The following PPA2 variants were observed in gnomAD, a reference collection of about 807,000 sequenced individuals.
The protein encoded by PPA2 is inorganic pyrophosphatase 2.
In PPA2, 48 loss-of-function variants were observed where a neutral mutation model predicts 49.5. That is an observed-to-expected ratio of 0.97 (90% CI 0.77 to 1.23). PPA2 has a LOEUF of 1.23. Ranked by LOEUF, PPA2 falls within the 50% of genes most tolerant of loss-of-function variation. The pLI, the probability that PPA2 is intolerant of heterozygous loss-of-function variation, is 0.00. For missense variants in PPA2, 429 were observed against 410.1 expected, an observed-to-expected ratio of 1.05 and a Z score of -0.40; for synonymous variants, 131 against 139.9, an observed-to-expected ratio of 0.94 and a Z score of 0.45.
chr4:105,370,732 CT>C, intron 11 of PPA2, 104 bp downstream of exon 11: 1 of 1,234,832 alleles, frequency 8.1e-7, no homozygotes, highest in Non-Finnish European at 1.0e-6. Flanking sequence ...GCTTATACAG[CT>C]TTTCAATTTA....
chr4:105,390,135 C>T (rs1042768079), intron 9 of PPA2, among the ~76,000 whole-genome samples: 4 of 152,162 alleles, frequency 2.6e-5, no homozygotes, highest in Non-Finnish European at 4.4e-5. Flanking sequence ...TGGACCCCTT[C>T]CCTACACCTT....
intron 5 of PPA2, among the ~76,000 whole-genome samples, chr4:105,439,147 T>A (rs776325296): frequency 1.3e-5 from 2 of 152,152 alleles, no homozygotes; most frequent in African/African-American, 2.4e-5. Flanking sequence ...CTAGCTAATA[T>A]ATACACACAC....
At chr4:105,453,704 T>C (rs1168614819) in intron 2 of PPA2, 62 bp from the exon 3 acceptor site, 13 of 1,282,410 alleles carry the variant, frequency 1.0e-5, no homozygotes, top group East Asian at 2.3e-5. Context: ...TGGCACTGCA[T>C]AGCAATAAAA....
rs1013136299 is a variant in PPA2, at chr4:105,424,338, A to G, written c.529-16T>C. 3 of 1,577,318 alleles carry G rather than the reference A, an allele frequency of 1.9e-6. No individual in the cohort carries two copies. The highest frequency in any genetic ancestry group is 2.6e-6 in the Non-Finnish European group (3 of 1,170,354). On this transcript the variant is annotated splice_polypyrimidine_tract_variant and intron_variant, in intron 6 of 11. Coordinates refer to ENST00000341695, the MANE Select transcript of PPA2 (RefSeq NM_176869.3). ...AAGAAAGAATCTTTAAAGAAAAAAG[A>G]AATTCACTATTTGCAAGGCTTTGGA...
At chr4:105,437,135 G>T (rs765634914) in intron 6 of PPA2, among the ~76,000 whole-genome samples, 2 of 151,948 alleles carry the variant, frequency 1.3e-5, no homozygotes, top group Admixed American at 1.3e-4. Context: ...CAAAGGCCAC[G>T]AACCAACATT....
intron 7 of PPA2, chr4:105,405,769 A>G (rs1385660150): frequency 4.3e-5 from 26 of 610,834 alleles, no homozygotes; most frequent in East Asian, 2.1e-4. Context: ...CAAAAACAAG[A>G]TAAGTAACTT....
At chr4:105,382,721 G>A (rs918451171) in intron 10 of PPA2, among the ~76,000 whole-genome samples, 2 of 152,058 alleles carry the variant, frequency 1.3e-5, no homozygotes, top group Non-Finnish European at 2.9e-5. Context: ...AATGTAGGCT[G>A]GGTGCGATGG....
At chr4:105,470,109 C>A (rs1156823579) in intron 1 of PPA2, among the ~76,000 whole-genome samples, 1 of 152,148 alleles carries the variant, frequency 6.6e-6, no homozygotes, top group East Asian at 1.9e-4. Flanking sequence ...TAACAAAATT[C>A]CTAATTATGG....
At chr4:105,461,968 T>C (rs563717150) in intron 1 of PPA2, among the ~76,000 whole-genome samples, 1 of 152,306 alleles carries the variant, frequency 6.6e-6, no homozygotes, top group African/African-American at 2.4e-5. Context: ...TAAGAACTCA[T>C]TAAAAGTTTT....
intron 10 of PPA2, among the ~76,000 whole-genome samples, chr4:105,385,382 C>T (rs1362276918): frequency 1.3e-5 from 2 of 150,676 alleles, no homozygotes; most frequent in Admixed American, 1.3e-4. Flanking sequence ...TACCACATAA[C>T]ATAATTAGAT....
chr4:105,454,115 T>C (rs1722778948), intron 2 of PPA2, among the ~76,000 whole-genome samples: 1 of 152,142 alleles, frequency 6.6e-6, no homozygotes, highest in Admixed American at 6.5e-5. Flanking sequence ...CTTTTCCCAT[T>C]AAACCAAGCA....
intron 1 of PPA2, among the ~76,000 whole-genome samples, chr4:105,468,131 T>C (rs191745373): frequency 5.3e-5 from 8 of 152,358 alleles, no homozygotes; most frequent in African/African-American, 1.2e-4. Flanking sequence ...GTCATACTTT[T>C]ACTGTCCATG....
intron 9 of PPA2, among the ~76,000 whole-genome samples, chr4:105,390,501 T>C (rs573846651): frequency 2.0e-5 from 3 of 150,966 alleles, no homozygotes; most frequent in South Asian, 4.2e-4. Context: ...GCAAAGGATA[T>C]GAGCAGACAT....
chr4:105,442,320 C>A (rs1724408527), intron 5 of PPA2, among the ~76,000 whole-genome samples: 1 of 152,090 alleles, frequency 6.6e-6, no homozygotes, highest in African/African-American at 2.4e-5. Context: ...CTCACAATAA[C>A]CTTGTAGGGT....
rs538636667 is a variant in PPA2, at chr4:105,471,805, C to T, written c.157+2089G>A. 2.0e-5 allele frequency among the ~76,000 whole-genome samples: 3 copies of T among 152,324 alleles called. No individual in the cohort carries two copies. The East Asian group carries it at 5.8e-4, about 29-fold the overall frequency. On this transcript the variant is annotated intron_variant, in intron 1 of 11. Coordinates refer to ENST00000341695, the MANE Select transcript of PPA2 (RefSeq NM_176869.3). ...TTCAGAAATTGTTTAACCAACACAC[C>T]TTCCAATCAGGATCTTACCATCGGG...
chr4:105,413,480 GA>G (rs2110254368), intron 7 of PPA2, among the ~76,000 whole-genome samples: 1 of 152,146 alleles, frequency 6.6e-6, no homozygotes, highest in Non-Finnish European at 1.5e-5. Context: ...AGAAAAAAAA[GA>G]ATAAAGGCAT....
At chr4:105,440,540 C>T (rs1430369901) in intron 5 of PPA2, among the ~76,000 whole-genome samples, 3 of 152,126 alleles carry the variant, frequency 2.0e-5, no homozygotes, top group Admixed American at 2.0e-4. Context: ...GGATTACAAG[C>T]GTGAGCCACT....
chr4:105,460,379 GTAAA>G (rs140617454), intron 1 of PPA2, among the ~76,000 whole-genome samples: 12,589 of 151,948 alleles, frequency 0.083, 1,009 homozygotes, highest in African/African-American at 0.21. Context: ...TAGGTCATAT[GTAAA>G]TACTACGCCA....
intron 1 of PPA2, among the ~76,000 whole-genome samples, chr4:105,467,286 G>T (rs980283292): frequency 1.3e-5 from 2 of 152,218 alleles, no homozygotes; most frequent in African/African-American, 4.8e-5. Flanking sequence ...TGAGGGAAGA[G>T]ATCAAGTAGA....
Sources: gnomAD v4.1 joint callset for allele counts (sites outside exome capture counted in the v4.1 genomes callset) on GRCh38, gnomAD v4.1.1 for gene constraint, MANE v1.5 for transcripts, NCBI Gene and HGNC (gene_info 2026-07-23, HGNC 2026-07-21) for gene names.